The following CTR9 variants were observed in gnomAD, a reference collection of about 807,000 sequenced individuals.
CTR9 encodes the protein CTR9 component of Paf1/RNA polymerase II complex, also known as RNA polymerase-associated protein CTR9 homolog.
CTR9 carries 41 observed loss-of-function variants against 152.1 expected under a neutral mutation model. That is an observed-to-expected ratio of 0.27 (90% CI 0.21 to 0.35). The LOEUF is 0.35. CTR9 is among the 10% of genes least tolerant of loss of function. CTR9 has a pLI of 1.00. For missense variants in CTR9, 917 were observed against 1,424.4 expected (o/e 0.64, Z 5.73); for synonymous variants, 476 against 496.2 (o/e 0.96, Z 0.54).
At position 10,779,431 on chromosome 11, in the gene CTR9, G is replaced by T. The variant is rs915209931; in HGVS notation, c.*326G>T. 8.6e-6 allele frequency: 2 copies of T among 233,792 alleles called. No individual in the cohort carries two copies. Among genetic ancestry groups the T allele is most frequent in the Admixed American group, 5.1e-5 (1 of 19,464 alleles). The allele number at this position is 233,792 out of a possible 1,614,324, so 14.5% of individuals were successfully genotyped here. ...GGCAGATGTCTCATCTTCTTTATAT[G>T]TTAAGCAGCATACTCTTCTGATTTT... is the stretch of plus-strand genomic sequence containing the variant. On this transcript the variant is annotated 3_prime_UTR_variant, in exon 25 of 25. Transcript: ENST00000361367.
At chr11:10,751,887 C>G (rs982649271) in intron 1 of CTR9, among the ~76,000 whole-genome samples, 4 of 152,112 alleles carry the variant, frequency 2.6e-5, no homozygotes, top group Non-Finnish European at 4.4e-5. Flanking sequence ...CGCCTCTTCT[C>G]CCTTAGAAAC....
In CTR9 at chr11:10,770,560, C is replaced by T. The variant is rs1396094665; in HGVS notation, c.2300C>T (p.Ser767Phe). 1.2e-6 allele frequency: 2 copies of T among 1,613,956 alleles called. No individual in the cohort carries two copies. The highest frequency in any genetic ancestry group is 1.3e-5 in the African/African-American group (1 of 75,030). ...VALVLQRLAT[S>F]VLKDEKSNLK... is the part of the protein sequence containing the mutation. Reference sequence around the variant, plus strand: ...TTGGTCCTGCAAAGATTAGCTACCTCTGTCCTGAAAGATGAAAAAAGTAAT... The same window carrying T: ...TTGGTCCTGCAAAGATTAGCTACCTTTGTCCTGAAAGATGAAAAAAGTAAT... Residue 767 changes from serine to phenylalanine, a missense_variant, in exon 18 of 25, where the codon TCT becomes TTT. Ser to Phe is a radical substitution (Grantham distance 155, BLOSUM62 -2). Transcript: ENST00000361367.
At position 10,755,666 on chromosome 11, in the gene CTR9, A is replaced by T; in HGVS notation, c.385-12A>T. The stretch of plus-strand genomic sequence containing the variant: ...ATAGGGGTAAAATCTAAGATAATAC[A>T]TTACTTCATAGAACCATTTGTTGGG... On this transcript the variant is annotated splice_polypyrimidine_tract_variant and intron_variant, in intron 3 of 24. Coordinates refer to ENST00000361367, the MANE Select transcript of CTR9 (RefSeq NM_014633.5). The T allele has an allele frequency of 6.4e-7, 1 of 1,554,468 alleles. No homozygotes were observed. Among genetic ancestry groups the T allele is most frequent in the Non-Finnish European group, 8.9e-7 (1 of 1,126,856 alleles).
At chr11:10,766,857 G>A (rs1863068041) in intron 13 of CTR9, among the ~76,000 whole-genome samples, 1 of 152,104 alleles carries the variant, frequency 6.6e-6, no homozygotes, top group South Asian at 2.1e-4. Context: ...AGTATCTTAG[G>A]ATTTTGTATG....
chr11:10,770,850 C>G (rs1863132706), intron 18 of CTR9, among the ~76,000 whole-genome samples: 1 of 152,242 alleles, frequency 6.6e-6, no homozygotes, highest in African/African-American at 2.4e-5. Flanking sequence ...AAACTATAGT[C>G]AGGATCCTGC....
rs1003760537 is a variant in CTR9 at position 10,767,132 on chromosome 11, C to T, written c.1686+642C>T. On this transcript the variant is annotated intron_variant, in intron 13 of 24. Transcript: ENST00000361367. The surrounding 1 kb of genome is among the most constrained non-coding windows in gnomAD (Gnocchi z 4.0). ...GTATCAACTCAGTTTGAAAACCACT[C>T]ATGTGGGGGTCTACAACAAGAAGTG... 1 of 152,786 alleles carries T rather than the reference C, an allele frequency of 6.5e-6. No individual in the cohort carries two copies. The highest frequency in any genetic ancestry group is 1.5e-5 in the Non-Finnish European group (1 of 68,162). 9.5% of individuals were successfully genotyped at this position (152,786 alleles called of 1,614,324 possible).
intron 24 of CTR9, 86 bp from the exon 25 acceptor site, chr11:10,778,593 C>G: frequency 8.0e-7 from 1 of 1,257,428 alleles, no homozygotes; most frequent in Non-Finnish European, 1.1e-6. Context: ...ATTAAATGCC[C>G]TTCTGTTTTA....
At chr11:10,758,998 C>T (rs1222239015) in intron 5 of CTR9, among the ~76,000 whole-genome samples, 1 of 152,214 alleles carries the variant, frequency 6.6e-6, no homozygotes, top group Non-Finnish European at 1.5e-5. Flanking sequence ...CTCCAATACA[C>T]TCTATACTTA....
intron 5 of CTR9, 27 bp downstream of exon 5, chr11:10,756,865 T>A: frequency 7.2e-7 from 1 of 1,394,656 alleles, no homozygotes; most frequent in Non-Finnish European, 1.0e-6. Flanking sequence ...ATTTTATGTC[T>A]AAACTGTGTA....
chr11:10,761,903 T>G (rs971812702), intron 6 of CTR9, 44 bp from the exon 7 acceptor site: 13 of 1,287,764 alleles, frequency 1.0e-5, no homozygotes, highest in Non-Finnish European at 1.4e-5. Flanking sequence ...AAGTGCTAAT[T>G]TAGTATTGTT....
rs1863121537 is a variant in CTR9, at chr11:10,770,241, A to G, written c.2141A>G (p.His714Arg). The change falls in exon 17 of 25, where the codon CAC (histidine) becomes CGC (arginine). Residue 714 changes from histidine to arginine, a missense_variant. Around this residue, in one of 9 missense-constraint regions of CTR9, gnomAD observed 106 missense variants for 157.8 expected, o/e 0.67. Coordinates refer to ENST00000361367, the MANE Select transcript of CTR9 (RefSeq NM_014633.5). Reference protein sequence around the residue: ...YENCLRKFYKHQNTEVVLYLA... With the variant: ...YENCLRKFYKRQNTEVVLYLA... ...AACTGCCTCCGAAAGTTCTATAAGC[A>G]CCAAAACACTGAAGTTGTACTCTAT... 1 of 1,613,500 alleles carries G rather than the reference A, an allele frequency of 6.2e-7. No homozygotes were observed. The highest frequency in any genetic ancestry group is 8.5e-7 in the Non-Finnish European group (1 of 1,179,878).
In CTR9 at chr11:10,774,164, G is replaced by A; in HGVS notation, c.2880G>A (p.Arg960=). 7 of 1,608,946 alleles carry A rather than the reference G, an allele frequency of 4.4e-6. No individual in the cohort carries two copies. The South Asian group carries it at 5.5e-5, about 13-fold the overall frequency. The change falls in exon 22 of 25, where the codon AGG becomes AGA. Residue 960 remains arginine (R), a synonymous_variant. Coordinates refer to ENST00000361367, the MANE Select transcript of CTR9 (RefSeq NM_014633.5). ...EEGGERKKKK[R]RRHPKGEEGS... is the part of the protein sequence containing the mutation. ...GTGGTGAGAGAAAGAAGAAAAAGAGGAGAAGGTAATGTCATCATTAATGTG... is the reference window on the plus strand; with the variant it reads ...GTGGTGAGAGAAAGAAGAAAAAGAGAAGAAGGTAATGTCATCATTAATGTG...
chr11:10,759,127 G>C (rs1862934856), intron 5 of CTR9, among the ~76,000 whole-genome samples: 1 of 152,200 alleles, frequency 6.6e-6, no homozygotes, highest in Non-Finnish European at 1.5e-5. Context: ...ATAAAGCTGT[G>C]AATGAGTGCA....
chr11:10,756,097 C>T lies in CTR9; in HGVS notation c.502+302C>T, dbSNP rs1426402290. Among the ~76,000 whole-genome samples, 4 of 152,132 alleles carry T rather than the reference C, an allele frequency of 2.6e-5. 1 individual carries two copies. Among genetic ancestry groups the T allele is most frequent in the African/African-American group, 9.7e-5 (4 of 41,434 alleles). ...CTGAGGCAGGAGGATCACTTGAGGC[C>T]AGGAGTTCAAGACGAGCTGGGGCAA... On this transcript the variant is annotated intron_variant, in intron 4 of 24. Coordinates refer to ENST00000361367, the MANE Select transcript of CTR9 (RefSeq NM_014633.5).
At chr11:10,775,462 T>G in intron 23 of CTR9, 59 bp from the exon 24 acceptor site, 1 of 1,477,786 alleles carries the variant, frequency 6.8e-7, no homozygotes, top group Non-Finnish European at 9.3e-7. Context: ...CAAACCCAAT[T>G]TAACAAGATG....
chr11:10,754,402 T>C (rs1477676506), intron 2 of CTR9, among the ~76,000 whole-genome samples: 1 of 152,224 alleles, frequency 6.6e-6, no homozygotes, highest in Admixed American at 6.5e-5. Flanking sequence ...ATTCCAGTTT[T>C]TTAAACAGTT....
intron 24 of CTR9, 100 bp downstream of exon 24, chr11:10,775,733 C>A: frequency 9.3e-6 from 1 of 107,430 alleles, no homozygotes; most frequent in Admixed American, 3.6e-4. Context: ...ACTTTTCTTT[C>A]TTTTTCTTTA....
intron 16 of CTR9, among the ~76,000 whole-genome samples, chr11:10,769,780 T>G (rs191083640): frequency 1.4e-3 from 213 of 152,348 alleles, no homozygotes; most frequent in Non-Finnish European, 2.5e-3. Context: ...CAACCAGAAC[T>G]GTAAGACTCC....
At chr11:10,775,332 C>T in intron 23 of CTR9, 29 bp downstream of exon 23, 1 of 1,578,848 alleles carries the variant, frequency 6.3e-7, no homozygotes, top group Non-Finnish European at 8.7e-7. Context: ...GTTTTTCTGT[C>T]CCCTAGTAGA....
Sources: gnomAD v4.1 joint callset for allele counts (sites outside exome capture counted in the v4.1 genomes callset) on GRCh38, gnomAD v4.1.1 for gene constraint, gnomAD v4.1.1 regional missense constraint, Gnocchi (gnomAD v3.1) non-coding constraint, MANE v1.5 for transcripts, NCBI Gene and HGNC (gene_info 2026-07-23, HGNC 2026-07-21) for gene names.